Variants in PCDHGB7 observed in about 807,000 individuals in gnomAD.
PCDHGB7 encodes the protein protocadherin gamma subfamily B, 7.
PCDHGB7 carries 37 observed loss-of-function variants against 61.4 expected under a neutral mutation model. That is an observed-to-expected ratio of 0.60 (90% CI 0.46 to 0.79). The LOEUF (loss-of-function observed/expected upper bound fraction) is 0.79. PCDHGB7 is among the 30% of genes least tolerant of loss of function. The probability of loss-of-function intolerance (pLI) is 0.00; values close to 1 mark genes in which losing one functional copy is unlikely to be tolerated. For missense variants in PCDHGB7, 1,166 were observed against 1,202.5 expected (o/e 0.97, Z 0.45); for synonymous variants, 464 against 503.5 (o/e 0.92, Z 1.05).
At position 141,491,196 on chromosome 5, in the gene PCDHGB7, T is replaced by C. The variant is rs899789155; in HGVS notation, c.2416-3611T>C. ...TGGTGGTCCTGGTGAGGGACAATGGTGACCCTTCACTCTCCTCCACAGCCA... is the reference window on the plus strand; with the variant it reads ...TGGTGGTCCTGGTGAGGGACAATGGCGACCCTTCACTCTCCTCCACAGCCA... On this transcript the variant is annotated intron_variant, in intron 1 of 3. Transcript: ENST00000398594. The surrounding 1 kb of genome is among the most constrained non-coding windows in gnomAD (Gnocchi z 6.9). The C allele has an allele frequency of 6.8e-6, 11 of 1,614,186 alleles. No homozygotes were observed. The highest frequency in any genetic ancestry group is 9.3e-6 in the Non-Finnish European group (11 of 1,180,030).
chr5:141,498,656 G>A (rs2154592341), intron 2 of PCDHGB7, among the ~76,000 whole-genome samples: 1 of 152,336 alleles, frequency 6.6e-6, no homozygotes, highest in Non-Finnish European at 1.5e-5. Context: ...ACCTGGCCAG[G>A]TGTGGTGGCT....
At chr5:141,421,371 T>C in intron 1 of PCDHGB7, 2 of 1,614,028 alleles carry the variant, frequency 1.2e-6, no homozygotes, top group Non-Finnish European at 1.7e-6. Flanking sequence ...TCGTGGGCAA[T>C]ATCTCCAAGG....
In PCDHGB7 at chr5:141,477,913, T is replaced by G; in HGVS notation, c.2416-16894T>G. ...CACGGGTGGTAGGCTGGGACGCGGA[T>G]GCAGGGCACAATGCCTGGCTCTCCT... On this transcript the variant is annotated intron_variant, in intron 1 of 3. Transcript: ENST00000398594. This position sits in a 1 kb window ranked among gnomAD's most constrained non-coding sequence, Gnocchi z 4.9. 6.2e-7 allele frequency: 1 copy of G among 1,614,190 alleles called. No individual in the cohort carries two copies. Among genetic ancestry groups the G allele is most frequent in the Non-Finnish European group, 8.5e-7 (1 of 1,180,024 alleles).
rs1441791773 is a variant in PCDHGB7, at chr5:141,486,038, G to A, written c.2416-8769G>A. The A allele has an allele frequency of 1.9e-6, 3 of 1,614,066 alleles. No individual in the cohort carries two copies. The highest frequency in any genetic ancestry group is 1.1e-5 in the South Asian group (1 of 91,088). On this transcript the variant is annotated intron_variant, in intron 1 of 3. Coordinates refer to ENST00000398594, the MANE Select transcript of PCDHGB7 (RefSeq NM_018927.4). The surrounding 1 kb of genome is among the most constrained non-coding windows in gnomAD (Gnocchi z 5.0). ...TTTCAGTGGTCATACCCCTGATCGT[G>A]TAAGAAACCTCTTTAGCCTGCACCC...
intron 1 of PCDHGB7, chr5:141,423,925 T>C (rs17097293): frequency 0.23 from 286,429 of 1,244,544 alleles, 36,355 homozygotes; most frequent in African/African-American, 0.51. Flanking sequence ...ACTATGCTGG[T>C]TTGGTTTGAA....
In PCDHGB7 at chr5:141,432,958, A is replaced by C; in HGVS notation, c.2415+12684A>C. 6.2e-7 allele frequency: 1 copy of C among 1,614,182 alleles called. No individual in the cohort carries two copies. Among genetic ancestry groups the C allele is most frequent in the African/African-American group, 1.3e-5 (1 of 75,056 alleles). On this transcript the variant is annotated intron_variant, in intron 1 of 3. Transcript: ENST00000398594. This position sits in a 1 kb window ranked among gnomAD's most constrained non-coding sequence, Gnocchi z 6.0. ...TGCAGGCTTCAGGAGGCGGCTTGAC[A>C]GGAGCGCCGGCGTCGCACTTTGTGG...
intron 1 of PCDHGB7, among the ~76,000 whole-genome samples, chr5:141,448,106 A>G (rs1308837314): frequency 1.3e-5 from 2 of 151,996 alleles, no homozygotes. Context: ...AAATTAAAAG[A>G]AAAGAAAATT....
At chr5:141,443,392 T>A (rs151260637) in intron 1 of PCDHGB7, among the ~76,000 whole-genome samples, 1 of 151,662 alleles carries the variant, frequency 6.6e-6, no homozygotes, top group Non-Finnish European at 1.5e-5. Context: ...GGCTGAGGTG[T>A]GAGGATCACC....
intron 1 of PCDHGB7, among the ~76,000 whole-genome samples, chr5:141,466,757 T>G (rs1486124876): frequency 6.6e-6 from 1 of 152,224 alleles, no homozygotes; most frequent in Non-Finnish European, 1.5e-5. Context: ...AGGGGCTCTT[T>G]TCAAACTGTT....
rs776773140 is a variant in PCDHGB7, at chr5:141,476,589, G to T, written c.2416-18218G>T. The T allele has an allele frequency of 6.2e-7, 1 of 1,614,246 alleles. No individual in the cohort carries two copies. Among genetic ancestry groups the T allele is most frequent in the South Asian group, 1.1e-5 (1 of 91,090 alleles). On this transcript the variant is annotated intron_variant, in intron 1 of 3. Coordinates refer to ENST00000398594, the MANE Select transcript of PCDHGB7 (RefSeq NM_018927.4). This position sits in a 1 kb window ranked among gnomAD's most constrained non-coding sequence, Gnocchi z 7.6. ...CCGGGGACGCGCTTTCCGCTCGAGA[G>T]CGCGCACGATCCCGATGTGGGAAGC...
intron 2 of PCDHGB7, among the ~76,000 whole-genome samples, chr5:141,497,522 G>A (rs998999424): frequency 3.3e-5 from 5 of 150,848 alleles, no homozygotes; most frequent in African/African-American, 4.9e-5. Flanking sequence ...TAGTTAACTT[G>A]TGGAGGATGC....
In PCDHGB7 at chr5:141,505,090, A is replaced by C. The variant is rs1018571873; in HGVS notation, c.2475-303A>C. Among the ~76,000 whole-genome samples the C allele has an allele frequency of 3.9e-5, 6 of 152,188 alleles. 1 individual carries two copies. The South Asian group carries it at 1.2e-3, about 31-fold the overall frequency. ...GGCAGGAGAATCGCTTGAACCCAGG[A>C]GGTGGATGTTGCAATGAGCCAAGAT... On this transcript the variant is annotated intron_variant, in intron 2 of 3. Transcript: ENST00000398594.
intron 1 of PCDHGB7, among the ~76,000 whole-genome samples, chr5:141,449,440 C>T (rs2098639026): frequency 6.6e-6 from 1 of 151,742 alleles, no homozygotes; most frequent in Admixed American, 6.6e-5. Flanking sequence ...AACTCCATCT[C>T]TACTAAAAAT....
chr5:141,421,912 A>G (rs1207036091), intron 1 of PCDHGB7: 2 of 1,613,696 alleles, frequency 1.2e-6, no homozygotes, highest in Admixed American at 1.7e-5. Context: ...CGCAGTTCCC[A>G]TTCGTGTGGT....
At chr5:141,427,509 G>T in intron 1 of PCDHGB7, 1 of 588,640 alleles carries the variant, frequency 1.7e-6, no homozygotes, top group Non-Finnish European at 3.2e-6. Flanking sequence ...TGGGACCCTG[G>T]ATTGGGAGCG....
At position 141,477,938 on chromosome 5, in the gene PCDHGB7, T is replaced by C. The variant is rs1441443411; in HGVS notation, c.2416-16869T>C. The stretch of plus-strand genomic sequence containing the variant: ...TGCAGGGCACAATGCCTGGCTCTCC[T>C]ACAGTCTCTTGGGATCCCCTAACCA... On this transcript the variant is annotated intron_variant, in intron 1 of 3. Transcript: ENST00000398594. The surrounding 1 kb of genome is among the most constrained non-coding windows in gnomAD (Gnocchi z 4.9). The C allele has an allele frequency of 3.1e-6, 5 of 1,614,036 alleles. No homozygotes were observed. The highest frequency in any genetic ancestry group is 4.2e-6 in the Non-Finnish European group (5 of 1,180,030).
At position 141,432,644 on chromosome 5, in the gene PCDHGB7, G is replaced by A; in HGVS notation, c.2415+12370G>A. The A allele has an allele frequency of 1.2e-6, 2 of 1,613,812 alleles. No homozygotes were observed. The highest frequency in any genetic ancestry group is 1.7e-6 in the Non-Finnish European group (2 of 1,179,942). ...TCTGCACACGGGCGAGGTGCGCACG[G>A]CGCGAGCCCTGCTGGACAGAGACGC... On this transcript the variant is annotated intron_variant, in intron 1 of 3. Coordinates refer to ENST00000398594, the MANE Select transcript of PCDHGB7 (RefSeq NM_018927.4). The surrounding 1 kb of genome is among the most constrained non-coding windows in gnomAD (Gnocchi z 6.0).
chr5:141,432,859 C>A lies in PCDHGB7; in HGVS notation c.2415+12585C>A. The A allele has an allele frequency of 1.2e-6, 2 of 1,614,190 alleles. No homozygotes were observed. Among genetic ancestry groups the A allele is most frequent in the Non-Finnish European group, 1.7e-6 (2 of 1,180,020 alleles). The stretch of plus-strand genomic sequence containing the variant: ...ACCTGGTGGTAGCGGTGGCCGCGGT[C>A]TCCTGCGTCTTCCTGGCCTTCGTCA... On this transcript the variant is annotated intron_variant, in intron 1 of 3. Transcript: ENST00000398594. This position sits in a 1 kb window ranked among gnomAD's most constrained non-coding sequence, Gnocchi z 6.0.
In PCDHGB7 at chr5:141,477,813, A is replaced by T; in HGVS notation, c.2416-16994A>T. ...ACTGATCGCAATGACAATGCCCCCC[A>T]GGTCCTATATCCTCGGCCAGGTGGG... On this transcript the variant is annotated intron_variant, in intron 1 of 3. Coordinates refer to ENST00000398594, the MANE Select transcript of PCDHGB7 (RefSeq NM_018927.4). The surrounding 1 kb of genome is among the most constrained non-coding windows in gnomAD (Gnocchi z 4.9). The T allele has an allele frequency of 6.2e-7, 1 of 1,614,122 alleles. No homozygotes were observed. The highest frequency in any genetic ancestry group is 1.1e-5 in the South Asian group (1 of 91,084).
Sources: gnomAD v4.1 joint callset for allele counts (sites outside exome capture counted in the v4.1 genomes callset) on GRCh38, gnomAD v4.1.1 for gene constraint, Gnocchi (gnomAD v3.1) non-coding constraint, MANE v1.5 for transcripts, NCBI Gene and HGNC (gene_info 2026-07-23, HGNC 2026-07-21) for gene names.